The following USP50 variants were observed in gnomAD, a reference collection of about 807,000 sequenced individuals.
USP50 encodes the protein ubiquitin specific peptidase 50, also known as ubiquitin carboxyl-terminal hydrolase 50.
In USP50, 37 loss-of-function variants were observed where a neutral mutation model predicts 39.2. The observed-to-expected ratio is 0.94, with a 90% CI of 0.73 to 1.24. USP50 has a LOEUF of 1.24. Ranked by LOEUF, USP50 falls within the 50% of genes most tolerant of loss-of-function variation. USP50 has a pLI of 0.00. For synonymous variants in USP50, 139 were observed against 144.5 expected, an observed-to-expected ratio of 0.96 and a Z score of 0.27; for missense variants, 374 against 398.2, an observed-to-expected ratio of 0.94 and a Z score of 0.52.
At chr15:50,527,397 T>C (rs943323648) in intron 6 of USP50, among the ~76,000 whole-genome samples, 8 of 151,342 alleles carry the variant, frequency 5.3e-5, no homozygotes, top group Non-Finnish European at 1.2e-4. Flanking sequence ...TTAGTAGAGA[T>C]GGGGTTTCAC....
chr15:50,528,025 C>T (rs1197775038), intron 6 of USP50, among the ~76,000 whole-genome samples: 2 of 151,306 alleles, frequency 1.3e-5, no homozygotes, highest in African/African-American at 2.4e-5. Flanking sequence ...CTTTTGACCC[C>T]TTAATTAACC....
At chr15:50,543,154 T>G (rs2053043400) in intron 3 of USP50, among the ~76,000 whole-genome samples, 1 of 152,246 alleles carries the variant, frequency 6.6e-6, no homozygotes, top group African/African-American at 2.4e-5. Flanking sequence ...TCAAGCTTAA[T>G]ATTTTCATGG....
chr15:50,498,951 A>C, downstream of USP50: 1 of 1,613,980 alleles, frequency 6.2e-7, no homozygotes, highest in Non-Finnish European at 8.5e-7. Context: ...CTATTGTAAA[A>C]ATGCAGCAAG....
At chr15:50,500,544 A>T, downstream of USP50, 2 of 467,592 alleles carry the variant, frequency 4.3e-6, no homozygotes, top group East Asian at 3.6e-5. Flanking sequence ...CAAGGCATAA[A>T]AATGTTAATG....
At chr15:50,520,318 T>TG (rs59771551) in intron 6 of USP50, among the ~76,000 whole-genome samples, 7 of 151,248 alleles carry the variant, frequency 4.6e-5, no homozygotes, top group Non-Finnish European at 8.9e-5. Flanking sequence ...TTTTTTTTTT[T>TG]GAGATAGGGT....
At chr15:50,524,893 A>C (rs1235723428) in intron 6 of USP50, among the ~76,000 whole-genome samples, 2 of 146,464 alleles carry the variant, frequency 1.4e-5, no homozygotes, top group African/African-American at 5.1e-5. Flanking sequence ...TAACATCAAC[A>C]AAAAAAAAAC....
chr15:50,524,871 C>T (rs2052876123), intron 6 of USP50, among the ~76,000 whole-genome samples: 1 of 151,804 alleles, frequency 6.6e-6, no homozygotes, highest in South Asian at 2.1e-4. Flanking sequence ...AAAACCCAGT[C>T]TTTAAAAACA....
Position 50,500,816 on chromosome 15 carries a change from C to A in USP50, c.958G>T (p.Gly320Cys), listed in dbSNP as rs1234258979. ...AVVNHFGDLDGGHYTAFCKNS... is the reference protein window; with the variant it reads ...AVVNHFGDLDCGHYTAFCKNS... ...TTGCAGAAAGCAGTGTAGTGGCCAC[C>A]ATCCAAATCACCAAAATGGTTCTAT... Residue 320 changes from glycine to cysteine, a missense_variant, in exon 7 of 7, where the codon GGT (glycine) becomes TGT (cysteine). By Grantham distance (159) the Gly-to-Cys change is radical. Transcript: ENST00000532404. 4.4e-6 allele frequency: 7 copies of A among 1,585,664 alleles called. No individual in the cohort carries two copies. The Admixed American group carries it at 7.2e-5, about 16-fold the overall frequency.
intron 3 of USP50, among the ~76,000 whole-genome samples, chr15:50,542,421 C>A (rs566651531): frequency 1.2e-4 from 18 of 149,412 alleles, no homozygotes; most frequent in African/African-American, 4.4e-4. Flanking sequence ...ACTGCCCACT[C>A]ACCTCTTTTC....
intron 6 of USP50, chr15:50,510,940 C>G (rs2052729703): frequency 6.6e-6 from 1 of 152,148 alleles, no homozygotes. Context: ...CCATGCCCGG[C>G]TAATTTTTTT....
intron 6 of USP50, chr15:50,511,695 T>C (rs2052740543): frequency 6.6e-6 from 1 of 152,224 alleles, no homozygotes; most frequent in Admixed American, 6.5e-5. Context: ...ATGATTCTGT[T>C]TATTAAAATA....
At chr15:50,499,078 T>C, downstream of USP50, 1 of 1,607,422 alleles carries the variant, frequency 6.2e-7, no homozygotes, top group Non-Finnish European at 8.5e-7. Context: ...GTAACTGATG[T>C]AGCCACATAA....
intron 5 of USP50, 46 bp from the exon 6 acceptor site, chr15:50,529,975 C>A: frequency 6.2e-7 from 1 of 1,607,420 alleles, no homozygotes; most frequent in South Asian, 1.1e-5. Context: ...GCTTGTGAAC[C>A]ACTCATTTGT....
Position 50,541,228 on chromosome 15 carries a change from A to T in USP50, c.481T>A (p.Ser161Thr). 6.2e-7 allele frequency: 1 copy of T among 1,613,904 alleles called. No individual in the cohort carries two copies. The highest frequency in any genetic ancestry group is 8.5e-7 in the Non-Finnish European group (1 of 1,179,870). The change falls in exon 4 of 7, where the codon TCT (serine) becomes ACT (threonine). Residue 161 changes from serine to threonine, a missense_variant. Ser to Thr is a moderately conservative substitution (Grantham distance 58). Coordinates refer to ENST00000532404, the MANE Select transcript of USP50 (RefSeq NM_203494.5). ...CACTTCCTGCAGCATCTCTGAGTAG[A>T]TCCTTTCTCATATGATCTTCTCCGG... ...YSRRRSYEKG[S>T]TQRCCRKWIT...
At chr15:50,542,291 T>C (rs1465100353) in intron 3 of USP50, among the ~76,000 whole-genome samples, 3 of 152,022 alleles carry the variant, frequency 2.0e-5, no homozygotes, top group East Asian at 3.9e-4. Context: ...TTCATCACAC[T>C]CTGCTGCCAA....
chr15:50,503,454 G>A (rs933878888), intron 6 of USP50: 1 of 152,216 alleles, frequency 6.6e-6, no homozygotes, highest in Non-Finnish European at 1.5e-5. Context: ...AAGGACACTC[G>A]AGGTAAAGTC....
At chr15:50,535,086 C>T (rs2052969076) in intron 5 of USP50, among the ~76,000 whole-genome samples, 1 of 151,794 alleles carries the variant, frequency 6.6e-6, no homozygotes, top group Non-Finnish European at 1.5e-5. Flanking sequence ...TTGCAGTGAG[C>T]CAAGACGGCA....
chr15:50,542,520 G>C (rs1310101807), intron 3 of USP50, among the ~76,000 whole-genome samples: 1 of 109,662 alleles, frequency 9.1e-6, no homozygotes, highest in Non-Finnish European at 1.7e-5. Flanking sequence ...ACGGAGTCTT[G>C]CTCTGTCGTC....
intron 6 of USP50, among the ~76,000 whole-genome samples, chr15:50,521,042 C>A (rs1160885763): frequency 1.3e-5 from 2 of 151,970 alleles, no homozygotes; most frequent in Admixed American, 1.3e-4. Flanking sequence ...CAATTTGGTT[C>A]TTTTGTTTGT....
Sources: gnomAD v4.1 joint callset for allele counts (sites outside exome capture counted in the v4.1 genomes callset) on GRCh38, gnomAD v4.1.1 for gene constraint, MANE v1.5 for transcripts, NCBI Gene and HGNC (gene_info 2026-07-23, HGNC 2026-07-21) for gene names.